RASSF2: variants seen among roughly 807,000 people sequenced by gnomAD.
RASSF2 encodes ras association domain-containing protein 2.
In RASSF2, 34 loss-of-function variants were observed where a neutral mutation model predicts 46.3. That is an observed-to-expected ratio of 0.73 (90% CI 0.56 to 0.98). The LOEUF (loss-of-function observed/expected upper bound fraction) is 0.98, where lower values mean the gene tolerates loss of function less well. Ranked by LOEUF, RASSF2 falls within the 50% of genes least tolerant of loss-of-function variation. The pLI, the probability that RASSF2 is intolerant of heterozygous loss-of-function variation, is 0.00. For missense variants in RASSF2, 364 were observed against 431.2 expected, an observed-to-expected ratio of 0.84 and a Z score of 1.38; for synonymous variants, 158 against 162.5, an observed-to-expected ratio of 0.97 and a Z score of 0.21.
chr20:4,819,811 G>T (rs557368571), intron 2 of RASSF2, among the ~76,000 whole-genome samples: 7 of 152,286 alleles, frequency 4.6e-5, no homozygotes, highest in East Asian at 3.9e-4. Flanking sequence ...AGAAAGCACA[G>T]GTATTTCTCT....
intron 6 of RASSF2, 55 bp downstream of exon 6, chr20:4,792,484 C>T (rs1925971547): frequency 1.2e-6 from 2 of 1,609,892 alleles, no homozygotes; most frequent in Non-Finnish European, 1.7e-6. Context: ...ACATCTATCA[C>T]AGCGGTCTTC....
At chr20:4,796,968 C>T (rs1568569932) in intron 4 of RASSF2, among the ~76,000 whole-genome samples, 1 of 152,102 alleles carries the variant, frequency 6.6e-6, no homozygotes, top group Admixed American at 6.5e-5. Flanking sequence ...AGGACAAGCC[C>T]CATAGGTGAA....
chr20:4,810,104 C>T (rs1927656330), intron 2 of RASSF2, among the ~76,000 whole-genome samples: 1 of 152,208 alleles, frequency 6.6e-6, no homozygotes, highest in Non-Finnish European at 1.5e-5. Context: ...GTCACTGTCC[C>T]CCACCCACTC....
Position 4,790,544 on chromosome 20 carries a change from C to T in RASSF2, c.444G>A (p.Gly148=). The T allele has an allele frequency of 6.5e-7, 1 of 1,535,524 alleles. No individual in the cohort carries two copies. The change falls in exon 7 of 12, where the codon GGG becomes GGA. Residue 148 remains glycine, a synonymous_variant. Coordinates refer to ENST00000379400, the MANE Select transcript of RASSF2 (RefSeq NM_014737.3). The surrounding 1 kb of genome is among the most constrained non-coding windows in gnomAD (Gnocchi z 4.3). ...PQLMRTRSDV[G]VRRRGNVRTP... is the part of the protein sequence containing the mutation. Reference sequence around the variant, plus strand: ...TCCTCACATTGCCACGGCGACGCACCCCAACATCACTGCGTGTGCGCATCA... The same window carrying T: ...TCCTCACATTGCCACGGCGACGCACTCCAACATCACTGCGTGTGCGCATCA...
At chr20:4,785,155 C>CAAAAAAAAAAAAAAA (rs11454727) in intron 11 of RASSF2, among the ~76,000 whole-genome samples, 1 of 92,556 alleles carries the variant, frequency 1.1e-5, no homozygotes, top group Non-Finnish European at 2.1e-5. Context: ...ACTAAAAATA[C>CAAAAAAAAAAAAAAA]AAAAAAAAAA....
intron 10 of RASSF2, 108 bp downstream of exon 10, chr20:4,787,525 G>A: frequency 7.2e-7 from 1 of 1,387,658 alleles, no homozygotes; most frequent in Non-Finnish European, 1.0e-6. Context: ...AGAAGTAAAA[G>A]GGGGCATGGT....
chr20:4,785,474 C>A (rs975747388), intron 11 of RASSF2, among the ~76,000 whole-genome samples: 2 of 152,208 alleles, frequency 1.3e-5, no homozygotes, highest in Non-Finnish European at 2.9e-5. Context: ...AAAAATGAAT[C>A]ATTAATTCCA....
At chr20:4,809,085 G>T (rs1372087240) in intron 2 of RASSF2, among the ~76,000 whole-genome samples, 1 of 152,186 alleles carries the variant, frequency 6.6e-6, no homozygotes, top group Non-Finnish European at 1.5e-5. Flanking sequence ...TCTGACACTG[G>T]CTTCATGCTT....
intron 2 of RASSF2, among the ~76,000 whole-genome samples, chr20:4,803,922 C>T (rs1180651627): frequency 6.6e-6 from 1 of 151,888 alleles, no homozygotes; most frequent in Non-Finnish European, 1.5e-5. Context: ...GCCAGATGTG[C>T]TAGCATGCAC....
In RASSF2 at chr20:4,789,531, C is replaced by T. The variant is rs1317345759; in HGVS notation, c.639+65G>A. The T allele has an allele frequency of 3.6e-6, 5 of 1,387,810 alleles. No homozygotes were observed. The East Asian group carries it at 9.1e-5, about 25-fold the overall frequency. The allele number at this position is 1,387,810 out of a possible 1,614,324, so 86.0% of individuals were successfully genotyped here. On this transcript the variant is annotated intron_variant, in intron 8 of 11. Transcript: ENST00000379400. ...ACAATTTCCATAGCTCCTCGCACAA[C>T]CACTCTAGGAGTCCCAAGGCACAGC...
Position 4,784,028 on chromosome 20 carries a change from A to C in RASSF2, c.*245T>G. ...TGTGCACACACATGTACACACACAC[A>C]TTTTGGGTCCTCCTTATAACTAAAA... is the stretch of plus-strand genomic sequence containing the variant. On this transcript the variant is annotated 3_prime_UTR_variant, in exon 12 of 12. Coordinates refer to ENST00000379400, the MANE Select transcript of RASSF2 (RefSeq NM_014737.3). The C allele has an allele frequency of 1.8e-6, 1 of 550,730 alleles. No individual in the cohort carries two copies. Among genetic ancestry groups the C allele is most frequent in the East Asian group, 3.1e-5 (1 of 32,652 alleles). The allele number at this position is 550,730 out of a possible 1,614,324, so 34.1% of individuals were successfully genotyped here.
At position 4,781,653 on chromosome 20, in the gene RASSF2, C is replaced by T. The variant is rs556532423; in HGVS notation, c.*2620G>A. On this transcript the variant is annotated 3_prime_UTR_variant, in exon 12 of 12. Transcript: ENST00000379400. ...CCAGCCAGATAGGCTCAGGTTTTTC[C>T]TTCACTTGATCACCTTGTAACATAA... 6.6e-6 allele frequency: 1 copy of T among 152,282 alleles called. No homozygotes were observed. Among genetic ancestry groups the T allele is most frequent in the East Asian group, 1.9e-4 (1 of 5,184 alleles). 9.4% of individuals were successfully genotyped at this position (152,282 alleles called of 1,614,324 possible).
Position 4,792,709 on chromosome 20 carries a change from C to A in RASSF2, c.288-82G>T, listed in dbSNP as rs527526814. On this transcript the variant is annotated intron_variant, in intron 5 of 11. Coordinates refer to ENST00000379400, the MANE Select transcript of RASSF2 (RefSeq NM_014737.3). ...ACGCCCCCGCACCCGCTGGACCCCACTCCTGAAAGGGGAGCACTTTGCTAG... is the reference window on the plus strand; with the variant it reads ...ACGCCCCCGCACCCGCTGGACCCCAATCCTGAAAGGGGAGCACTTTGCTAG... The A allele has an allele frequency of 3.6e-5, 55 of 1,521,318 alleles. 2 individuals carry two copies. The South Asian group carries it at 5.7e-4, about 16-fold the overall frequency. The allele number at this position is 1,521,318 out of a possible 1,614,324, so 94.2% of individuals were successfully genotyped here.
At chr20:4,797,094 C>T (rs723561) in intron 4 of RASSF2, among the ~76,000 whole-genome samples, 13,474 of 152,130 alleles carry the variant, frequency 0.089, 839 homozygotes, top group African/African-American at 0.17. Flanking sequence ...GGTGCTTAGG[C>T]GTCTCAGGGA....
At chr20:4,798,540 G>A (rs2122536238) in intron 3 of RASSF2, among the ~76,000 whole-genome samples, 1 of 152,258 alleles carries the variant, frequency 6.6e-6, no homozygotes, top group Middle Eastern at 3.4e-3. Context: ...AGACTCAGAA[G>A]CTGGCTGCGC....
At chr20:4,805,883 A>T (rs1273441228) in intron 2 of RASSF2, among the ~76,000 whole-genome samples, 1 of 152,208 alleles carries the variant, frequency 6.6e-6, no homozygotes, top group Non-Finnish European at 1.5e-5. Flanking sequence ...ACGTAGGCAG[A>T]GGTGCCACCT....
At chr20:4,797,952 G>A (rs1320150236) in intron 4 of RASSF2, 58 bp downstream of exon 4, 14 of 1,608,178 alleles carry the variant, frequency 8.7e-6, no homozygotes, top group Middle Eastern at 2.0e-4. Context: ...TCAGACCCAG[G>A]ACACATGGTG....
At chr20:4,792,918 G>A in intron 5 of RASSF2, 1 of 450,396 alleles carries the variant, frequency 2.2e-6, no homozygotes, top group Non-Finnish European at 3.9e-6. Context: ...ATCAAGCCCA[G>A]GATGGATAAT....
rs1926229512 is a variant in RASSF2 at position 4,795,178 on chromosome 20, T to A, written c.287+637A>T. The stretch of plus-strand genomic sequence containing the variant: ...TTTGGCGGCGCATTTGGCGGCTTAT[T>A]CAGCCATGGAGGATAAGGAGGGATG... On this transcript the variant is annotated intron_variant, in intron 5 of 11. Transcript: ENST00000379400. The surrounding 1 kb of genome is among the most constrained non-coding windows in gnomAD (Gnocchi z 4.0). 6.6e-6 allele frequency: 1 copy of A among 152,266 alleles called. No individual in the cohort carries two copies. The highest frequency in any genetic ancestry group is 1.5e-5 in the Non-Finnish European group (1 of 68,072). 9.4% of individuals were successfully genotyped at this position (152,266 alleles called of 1,614,324 possible).
Sources: gnomAD v4.1 joint callset for allele counts (sites outside exome capture counted in the v4.1 genomes callset) on GRCh38, gnomAD v4.1.1 for gene constraint, Gnocchi (gnomAD v3.1) non-coding constraint, MANE v1.5 for transcripts, NCBI Gene and HGNC (gene_info 2026-07-23, HGNC 2026-07-21) for gene names.